DSCAM: variants seen among roughly 807,000 people sequenced by gnomAD.
DSCAM encodes the protein cell adhesion molecule DSCAM.
A neutral mutation model predicts 217.7 loss-of-function variants in DSCAM; 47 were observed. The ratio of observed to expected loss-of-function variants is 0.22; its 90% CI spans 0.17 to 0.28. DSCAM has a LOEUF of 0.28. DSCAM is among the 10% of genes least tolerant of loss of function. The pLI is 1.00. For synonymous variants in DSCAM, 1,056 were observed against 1,015.3 expected, an observed-to-expected ratio of 1.04 and a Z score of -0.76; for missense variants, 2,080 against 2,618.3, an observed-to-expected ratio of 0.79 and a Z score of 4.49.
rs576326969 is a variant in DSCAM at position 40,112,420 on chromosome 21, T to A, written c.3696+11775A>T. Among the ~76,000 whole-genome samples the A allele has an allele frequency of 1.1e-4, 16 of 152,154 alleles. No individual in the cohort carries two copies. In the South Asian group the frequency reaches 3.3e-3, roughly 32 times the overall value. On this transcript the variant is annotated intron_variant, in intron 20 of 32. Transcript: ENST00000400454. The stretch of plus-strand genomic sequence containing the variant: ...TCTCTGGGACACATTTAAGACAGTA[T>A]GTAGAAGGAAATTTATAGCACTAAA...
chr21:40,077,741 T>G (rs1360833184), intron 26 of DSCAM, among the ~76,000 whole-genome samples: 1 of 152,198 alleles, frequency 6.6e-6, no homozygotes, highest in African/African-American at 2.4e-5. Flanking sequence ...TGGCTGTCAA[T>G]AAAGGGTTTG....
intron 1 of DSCAM, among the ~76,000 whole-genome samples, chr21:40,810,267 AG>A (rs1346737249): frequency 1.3e-5 from 2 of 152,242 alleles, no homozygotes; most frequent in Non-Finnish European, 2.9e-5. Flanking sequence ...TTGCACCCTC[AG>A]GTCTGTGCAC....
intron 3 of DSCAM, among the ~76,000 whole-genome samples, chr21:40,455,920 G>T (rs2145938551): frequency 6.6e-6 from 1 of 152,236 alleles, no homozygotes; most frequent in East Asian, 1.9e-4. Flanking sequence ...TTCAAAATCT[G>T]CATAACTGGT....
chr21:40,367,425 A>C (rs1231274909), intron 4 of DSCAM, among the ~76,000 whole-genome samples: 1 of 152,190 alleles, frequency 6.6e-6, no homozygotes, highest in Non-Finnish European at 1.5e-5. Context: ...GTCAAACACC[A>C]ACATGTTTCC....
intron 16 of DSCAM, among the ~76,000 whole-genome samples, chr21:40,147,130 C>G (rs2090366434): frequency 6.6e-6 from 1 of 152,184 alleles, no homozygotes; most frequent in Non-Finnish European, 1.5e-5. Context: ...CCCGGTGAGG[C>G]TTTAAGCCTC....
At chr21:40,625,919 C>T (rs573197823) in intron 3 of DSCAM, among the ~76,000 whole-genome samples, 8 of 152,272 alleles carry the variant, frequency 5.3e-5, no homozygotes, top group Middle Eastern at 3.4e-3. Context: ...TCACCTATGT[C>T]TAGCAGGCTC....
chr21:40,027,223 G>A (rs1365256977), intron 32 of DSCAM, among the ~76,000 whole-genome samples: 3 of 152,306 alleles, frequency 2.0e-5, no homozygotes, highest in African/African-American at 4.8e-5. Context: ...CTTCTGGCTT[G>A]TAGGGTTTCT....
At chr21:40,417,312 T>C (rs547450210) in intron 3 of DSCAM, among the ~76,000 whole-genome samples, 7 of 152,332 alleles carry the variant, frequency 4.6e-5, no homozygotes, top group African/African-American at 1.4e-4. Flanking sequence ...ACATGTGCCA[T>C]GTTGGTGTGC....
intron 1 of DSCAM, among the ~76,000 whole-genome samples, chr21:40,709,791 A>C (rs1568996565): frequency 6.6e-6 from 1 of 152,200 alleles, no homozygotes. Context: ...ATAGTGCCAC[A>C]ATAAACATAT....
intron 2 of DSCAM, 147 bp from the exon 3 acceptor site, chr21:40,693,103 C>T (rs369223754): frequency 2.0e-4 from 185 of 928,444 alleles, no homozygotes; most frequent in Non-Finnish European, 2.5e-4. Context: ...CTACATTTCA[C>T]GTCTTTCATC....
intron 3 of DSCAM, among the ~76,000 whole-genome samples, chr21:40,428,234 T>TTG (rs71186936): frequency 0.04 from 5,197 of 129,084 alleles, 114 homozygotes; most frequent in Middle Eastern, 0.051. Context: ...GGCAAATACT[T>TTG]TGTGTGTGTG....
chr21:40,824,984 A>G (rs1276092871), intron 1 of DSCAM, among the ~76,000 whole-genome samples: 1 of 152,190 alleles, frequency 6.6e-6, no homozygotes, highest in Non-Finnish European at 1.5e-5. Flanking sequence ...TATGTCCGAC[A>G]TGGTGGTCAT....
intron 16 of DSCAM, among the ~76,000 whole-genome samples, chr21:40,160,076 G>A (rs1384038338): frequency 2.6e-5 from 4 of 152,156 alleles, no homozygotes; most frequent in Non-Finnish European, 5.9e-5. Context: ...ACCACCTTAT[G>A]GATTCCAGAG....
In DSCAM at chr21:40,025,048, A is replaced by G. The variant is rs1367146783; in HGVS notation, c.5687-11662T>C. On this transcript the variant is annotated intron_variant, in intron 32 of 32. Transcript: ENST00000400454. Reference sequence around the variant, plus strand: ...TTATTATTTTGAGATACGTCCCATCAATACCTAACTTATTGAGAGTTTTTA... The same window carrying G: ...TTATTATTTTGAGATACGTCCCATCGATACCTAACTTATTGAGAGTTTTTA... Among the ~76,000 whole-genome samples, 26 of 123,360 alleles carry G rather than the reference A, an allele frequency of 2.1e-4. 1 individual carries two copies. The East Asian group carries it at 5.6e-3, about 26-fold the overall frequency. The allele number at this position is 123,360 out of a possible 152,430, so 80.9% of individuals were successfully genotyped here. A position where few individuals can be genotyped will look rare whatever the true frequency, so the allele number is the denominator to read the frequency against.
chr21:40,583,170 T>C (rs1445158403), intron 3 of DSCAM, among the ~76,000 whole-genome samples: 2 of 152,210 alleles, frequency 1.3e-5, no homozygotes, highest in African/African-American at 2.4e-5. Context: ...ATCCATTTTA[T>C]AAATGTAAGG....
chr21:40,152,703 C>G (rs2090436191), intron 16 of DSCAM, among the ~76,000 whole-genome samples: 1 of 152,274 alleles, frequency 6.6e-6, no homozygotes, highest in Admixed American at 6.5e-5. Flanking sequence ...ATATGTCCTT[C>G]TCAATCAGTC....
intron 32 of DSCAM, among the ~76,000 whole-genome samples, chr21:40,022,780 C>CT (rs35238261): frequency 0.25 from 37,807 of 148,958 alleles, 4,946 homozygotes; most frequent in South Asian, 0.36. Context: ...ACAATACATT[C>CT]TTTTTTTTTT....
At chr21:40,164,354 T>C (rs775774461) in intron 16 of DSCAM, among the ~76,000 whole-genome samples, 1 of 152,188 alleles carries the variant, frequency 6.6e-6, no homozygotes, top group East Asian at 1.9e-4. Flanking sequence ...CTTGGGTAGG[T>C]ATCCCTGGGA....
At chr21:40,424,534 A>G (rs2075454362) in intron 3 of DSCAM, among the ~76,000 whole-genome samples, 1 of 152,194 alleles carries the variant, frequency 6.6e-6, no homozygotes, top group African/African-American at 2.4e-5. Flanking sequence ...TGTCAGGGAG[A>G]ACATGGCCCT....
Sources: gnomAD v4.1 joint callset for allele counts (sites outside exome capture counted in the v4.1 genomes callset) on GRCh38, gnomAD v4.1.1 for gene constraint, MANE v1.5 for transcripts, NCBI Gene and HGNC (gene_info 2026-07-23, HGNC 2026-07-21) for gene names.